The following UBE2E2 variants were observed in gnomAD, a reference collection of about 807,000 sequenced individuals.
The protein encoded by UBE2E2 is ubiquitin-conjugating enzyme E2 E2.
UBE2E2 carries 6 observed loss-of-function variants against 24.7 expected under a neutral mutation model. The observed-to-expected ratio is 0.24, with a 90% CI of 0.13 to 0.48. UBE2E2 has a LOEUF of 0.48. UBE2E2 is among the 20% of genes least tolerant of loss of function. The pLI is 0.99. For synonymous variants in UBE2E2, 104 were observed against 83.6 expected (o/e 1.24, Z -1.33); for missense variants, 169 against 245.0 (o/e 0.69, Z 2.07).
intron 4 of UBE2E2, among the ~76,000 whole-genome samples, chr3:23,511,791 C>A (rs1357628795): frequency 2.0e-5 from 3 of 152,026 alleles, no homozygotes; most frequent in African/African-American, 4.8e-5. Flanking sequence ...TATAATAATA[C>A]CTCATAAAAT....
At chr3:23,449,073 G>A (rs541642455) in intron 3 of UBE2E2, among the ~76,000 whole-genome samples, 5 of 152,282 alleles carry the variant, frequency 3.3e-5, no homozygotes, top group South Asian at 4.1e-4. Context: ...GCCATTGTAA[G>A]TATACTAGCA....
intron 5 of UBE2E2, among the ~76,000 whole-genome samples, chr3:23,560,735 C>T (rs929168252): frequency 9.9e-5 from 15 of 152,144 alleles, no homozygotes; most frequent in Non-Finnish European, 2.1e-4. Flanking sequence ...TCTGTTGTTT[C>T]CTGACTTTTT....
At chr3:23,516,661 G>C (rs1411733048) in intron 4 of UBE2E2, among the ~76,000 whole-genome samples, 1 of 152,034 alleles carries the variant, frequency 6.6e-6, no homozygotes, top group Non-Finnish European at 1.5e-5. Flanking sequence ...ATTTATTCTT[G>C]TATCCTCTAT....
chr3:23,533,143 C>T (rs1695164439), intron 5 of UBE2E2, among the ~76,000 whole-genome samples: 1 of 152,114 alleles, frequency 6.6e-6, no homozygotes, highest in Non-Finnish European at 1.5e-5. Flanking sequence ...AACTGTGCAT[C>T]CTGACAAGCT....
At chr3:23,229,110 C>G (rs545249313) in intron 3 of UBE2E2, among the ~76,000 whole-genome samples, 4 of 152,264 alleles carry the variant, frequency 2.6e-5, no homozygotes, top group Non-Finnish European at 4.4e-5. Flanking sequence ...TTAATCCCTG[C>G]ATTTCAGGTA....
intron 3 of UBE2E2, among the ~76,000 whole-genome samples, chr3:23,380,085 G>GA (rs1559367064): frequency 3.2e-5 from 1 of 31,318 alleles, no homozygotes; most frequent in African/African-American, 1.8e-4. Context: ...TTTGATTACT[G>GA]TAAAAAAAAA....
chr3:23,292,827 A>G (rs1575537584), intron 3 of UBE2E2, among the ~76,000 whole-genome samples: 1 of 152,320 alleles, frequency 6.6e-6, no homozygotes, highest in East Asian at 1.9e-4. Flanking sequence ...TAATCCCAGC[A>G]CTTTGGGAGG....
At chr3:23,509,524 C>T (rs1297374671) in intron 4 of UBE2E2, among the ~76,000 whole-genome samples, 1 of 152,086 alleles carries the variant, frequency 6.6e-6, no homozygotes, top group Non-Finnish European at 1.5e-5. Flanking sequence ...TGCCAAATAT[C>T]AATCCCTTTA....
chr3:23,378,770 C>A (rs1469523212), intron 3 of UBE2E2, among the ~76,000 whole-genome samples: 1 of 152,102 alleles, frequency 6.6e-6, no homozygotes, highest in Non-Finnish European at 1.5e-5. Context: ...GGAGAAAGTA[C>A]AAATGTTACA....
intron 3 of UBE2E2, among the ~76,000 whole-genome samples, chr3:23,396,329 AC>A (rs2125366034): frequency 8.9e-6 from 1 of 111,796 alleles, no homozygotes; most frequent in South Asian, 3.2e-4. Flanking sequence ...GTATATATAT[AC>A]GTATATATAT....
chr3:23,297,629 C>A (rs1358156456), intron 3 of UBE2E2, among the ~76,000 whole-genome samples: 3 of 151,738 alleles, frequency 2.0e-5, no homozygotes, highest in African/African-American at 7.3e-5. Flanking sequence ...GGGCTCTGTT[C>A]TGTTCCATTG....
intron 3 of UBE2E2, among the ~76,000 whole-genome samples, chr3:23,219,729 T>C (rs1260009208): frequency 1.3e-5 from 2 of 152,194 alleles, no homozygotes; most frequent in Non-Finnish European, 2.9e-5. Context: ...CACACATGCC[T>C]CTCAAAACCC....
chr3:23,562,621 T>C (rs1575708808), intron 5 of UBE2E2, among the ~76,000 whole-genome samples: 2 of 152,226 alleles, frequency 1.3e-5, no homozygotes, highest in East Asian at 3.8e-4. Flanking sequence ...TTTCTATTGA[T>C]TGGAATAGTT....
At chr3:23,514,642 T>G (rs531820238) in intron 4 of UBE2E2, among the ~76,000 whole-genome samples, 1 of 151,944 alleles carries the variant, frequency 6.6e-6, no homozygotes, top group East Asian at 1.9e-4. Context: ...CCTGACTGCA[T>G]GAGAAATGAC....
At chr3:23,208,445 A>G (rs1236879371) in intron 1 of UBE2E2, among the ~76,000 whole-genome samples, 1 of 152,128 alleles carries the variant, frequency 6.6e-6, no homozygotes, top group Non-Finnish European at 1.5e-5. Flanking sequence ...TCCAGTTTTG[A>G]TTATTATGAA....
chr3:23,456,307 A>G (rs572460662), intron 3 of UBE2E2, among the ~76,000 whole-genome samples: 2 of 152,218 alleles, frequency 1.3e-5, no homozygotes, highest in African/African-American at 2.4e-5. Flanking sequence ...TCAAGCTCCT[A>G]TCAACTTGAT....
At chr3:23,574,191 G>A (rs1696291065) in intron 5 of UBE2E2, among the ~76,000 whole-genome samples, 1 of 152,104 alleles carries the variant, frequency 6.6e-6, no homozygotes. Flanking sequence ...AACTCATGAA[G>A]ATAGAGAGTA....
At chr3:23,487,074 C>A (rs997103702) in intron 3 of UBE2E2, among the ~76,000 whole-genome samples, 4 of 152,340 alleles carry the variant, frequency 2.6e-5, no homozygotes, top group African/African-American at 9.6e-5. Context: ...TCCCTCAATA[C>A]CCCCGGCCTC....
At chr3:23,370,292 A>T (rs993379980) in intron 3 of UBE2E2, among the ~76,000 whole-genome samples, 1 of 152,138 alleles carries the variant, frequency 6.6e-6, no homozygotes, top group Non-Finnish European at 1.5e-5. Flanking sequence ...ATCACTTTCA[A>T]CTTTTTCTGT....
Sources: allele counts gnomAD v4.1 joint callset (sites outside exome capture counted in the v4.1 genomes callset), GRCh38; gene constraint gnomAD v4.1.1; transcripts MANE v1.5; gene names NCBI Gene and HGNC (gene_info 2026-07-23, HGNC 2026-07-21).